Variants in FBXL18 observed in about 807,000 individuals in gnomAD.
The protein encoded by FBXL18 is F-box and leucine rich repeat protein 18, also known as F-box/LRR-repeat protein 18.
A neutral mutation model predicts 46.0 loss-of-function variants in FBXL18; 36 were observed. The observed-to-expected ratio is 0.78, with a 90% CI of 0.60 to 1.03. FBXL18 has a LOEUF of 1.03. FBXL18 is among the 50% of genes least tolerant of loss of function. The probability of loss-of-function intolerance (pLI) is 0.00; values close to 1 mark genes in which losing one functional copy is unlikely to be tolerated. For missense variants in FBXL18, 977 were observed against 1,004.1 expected, an observed-to-expected ratio of 0.97 and a Z score of 0.36; for synonymous variants, 557 against 465.3, an observed-to-expected ratio of 1.20 and a Z score of -2.54.
chr7:5,470,635 C>A (rs1266139570), intron 4 of FBXL18, among the ~76,000 whole-genome samples: 3 of 152,004 alleles, frequency 2.0e-5, no homozygotes, highest in Non-Finnish European at 4.4e-5. Context: ...GAAGGGGAGA[C>A]CCCCAGGCCC....
Position 5,500,478 on chromosome 7 carries a change from G to A in FBXL18, c.1781+10C>T. On this transcript the variant is annotated intron_variant, in intron 3 of 4. Transcript: ENST00000382368. The stretch of plus-strand genomic sequence containing the variant: ...AGCAGAGGCCCGAGAGGTCCCCGCG[G>A]CCCCCTCACCTGAGGTCCCTCAGCC... 6.3e-7 allele frequency: 1 copy of A among 1,583,926 alleles called. No individual in the cohort carries two copies. The highest frequency in any genetic ancestry group is 8.6e-7 in the Non-Finnish European group (1 of 1,162,974).
intron 3 of FBXL18, among the ~76,000 whole-genome samples, chr7:5,499,855 TCAAGAC>T (rs1784185359): frequency 1.3e-5 from 2 of 151,670 alleles, no homozygotes. Context: ...GCCCAGGAGT[TCAAGAC>T]CAGTCTGGGC....
intron 1 of FBXL18, among the ~76,000 whole-genome samples, chr7:5,510,335 A>T (rs13231223): frequency 0.099 from 14,801 of 149,800 alleles, 1,170 homozygotes; most frequent in African/African-American, 0.23. Context: ...AAGAAAAAAA[A>T]ACCCAAGTTG....
chr7:5,513,758 G>A lies in FBXL18; in HGVS notation c.-84C>T, dbSNP rs568978923. The A allele has an allele frequency of 1.8e-5, 27 of 1,532,760 alleles. No individual in the cohort carries two copies. Among genetic ancestry groups the A allele is most frequent in the Middle Eastern group, 2.1e-4 (1 of 4,832 alleles). The allele number at this position is 1,532,760 out of a possible 1,614,324, so 94.9% of individuals were successfully genotyped here. On this transcript the variant is annotated 5_prime_UTR_variant, in exon 1 of 5. Coordinates refer to ENST00000382368, the MANE Select transcript of FBXL18 (RefSeq NM_024963.6). ...CCGGCTAGGGATGCTCGAAGCCGGCGCGTCCACCGCTCAACCGAGACCCCG... is the reference window on the plus strand; with the variant it reads ...CCGGCTAGGGATGCTCGAAGCCGGCACGTCCACCGCTCAACCGAGACCCCG...
At chr7:5,464,696 T>A (rs1584183835) in intron 4 of FBXL18, among the ~76,000 whole-genome samples, 4 of 104,792 alleles carry the variant, frequency 3.8e-5, no homozygotes, top group Non-Finnish European at 5.9e-5. Flanking sequence ...CTAAGATGGT[T>A]AATTAAAAAA....
At chr7:5,506,572 T>C (rs897989388) in intron 1 of FBXL18, among the ~76,000 whole-genome samples, 3 of 151,644 alleles carry the variant, frequency 2.0e-5, no homozygotes, top group Non-Finnish European at 2.9e-5. Flanking sequence ...TTTTTTTCTT[T>C]TGGAGAAAGA....
intron 3 of FBXL18, among the ~76,000 whole-genome samples, chr7:5,492,778 A>C (rs1313225136): frequency 6.6e-6 from 1 of 152,158 alleles, no homozygotes; most frequent in Non-Finnish European, 1.5e-5. Flanking sequence ...CCACGTGTCC[A>C]CCAGCCAAGC....
intron 3 of FBXL18, among the ~76,000 whole-genome samples, chr7:5,493,590 T>C (rs1435755134): frequency 6.6e-6 from 1 of 151,914 alleles, no homozygotes. Context: ...CCACTGCACC[T>C]GGCCAAAATT....
At chr7:5,513,307 G>C (rs1014454190) in intron 1 of FBXL18, among the ~76,000 whole-genome samples, 1 of 152,108 alleles carries the variant, frequency 6.6e-6, no homozygotes, top group Non-Finnish European at 1.5e-5. Flanking sequence ...GGCACGGAGG[G>C]GGAATGTCCC....
In FBXL18 at chr7:5,480,066, C is replaced by T. The variant is rs916401367; in HGVS notation, c.*1709G>A. On this transcript the variant is annotated 3_prime_UTR_variant, in exon 5 of 5. Coordinates refer to ENST00000382368, the MANE Select transcript of FBXL18 (RefSeq NM_024963.6). ...GGCCTCCTGGACAAGGAGCTTGGCCCCCAGAGCAAGGAGCTGCTGAAAACC... is the reference window on the plus strand; with the variant it reads ...GGCCTCCTGGACAAGGAGCTTGGCCTCCAGAGCAAGGAGCTGCTGAAAACC... Among the ~76,000 whole-genome samples the T allele has an allele frequency of 2.6e-5, 4 of 152,154 alleles. No homozygotes were observed. The highest frequency in any genetic ancestry group is 7.2e-5 in the African/African-American group (3 of 41,428).
At chr7:5,498,043 C>T (rs955401668) in intron 3 of FBXL18, among the ~76,000 whole-genome samples, 1 of 151,690 alleles carries the variant, frequency 6.6e-6, no homozygotes, top group Non-Finnish European at 1.5e-5. Flanking sequence ...AAGGCCTTCA[C>T]TACCTTTTGG....
intron 4 of FBXL18, among the ~76,000 whole-genome samples, chr7:5,463,743 T>TTTA (rs1783299109): frequency 4.2e-5 from 2 of 47,070 alleles, no homozygotes; most frequent in African/African-American, 6.3e-5. Flanking sequence ...TTTTTTTTTT[T>TTTA]TTTTTTTTTT....
chr7:5,503,573 G>A (rs571925004), intron 2 of FBXL18, among the ~76,000 whole-genome samples: 4 of 151,694 alleles, frequency 2.6e-5, no homozygotes, highest in South Asian at 2.1e-4. Context: ...TTGTCCAGGC[G>A]GGTCTTGAAA....
chr7:5,501,021 G>A lies in FBXL18; in HGVS notation c.1248C>T (p.Arg416=). ...CQLLARLRHL[R]SLSLPVCSVA... ...CAGAGCAGACAGGCAGGGAGAGGGA[G>A]CGCAGGTGACGCAGCCGGGCCAGGA... The change falls in exon 3 of 5, where the codon CGC becomes CGT. Residue 416 remains arginine, a synonymous_variant. Transcript: ENST00000382368. 1.2e-6 allele frequency: 2 copies of A among 1,601,014 alleles called. No individual in the cohort carries two copies. Among genetic ancestry groups the A allele is most frequent in the Non-Finnish European group, 1.7e-6 (2 of 1,176,112 alleles).
intron 4 of FBXL18, among the ~76,000 whole-genome samples, chr7:5,459,109 T>C (rs1783210265): frequency 6.6e-6 from 1 of 152,116 alleles, no homozygotes; most frequent in South Asian, 2.1e-4. Context: ...GACATGATCA[T>C]GCCATTGCAC....
chr7:5,482,924 G>C (rs1783684901), intron 4 of FBXL18, among the ~76,000 whole-genome samples: 1 of 151,824 alleles, frequency 6.6e-6, no homozygotes, highest in Non-Finnish European at 1.5e-5. Context: ...TGTCACCTCA[G>C]CTACTTGGGA....
At chr7:5,503,505 C>A (rs1226218052) in intron 2 of FBXL18, among the ~76,000 whole-genome samples, 1 of 146,890 alleles carries the variant, frequency 6.8e-6, no homozygotes, top group South Asian at 2.2e-4. Flanking sequence ...AGACATGTGC[C>A]ACCATGCCAT....
intron 4 of FBXL18, 98 bp from the exon 5 acceptor site, chr7:5,482,029 G>A (rs951233748): frequency 4.3e-5 from 61 of 1,422,238 alleles, no homozygotes; most frequent in South Asian, 2.6e-4. Flanking sequence ...CTGCCTCCCC[G>A]TCCCGGGCTC....
rs1284471744 is a variant in FBXL18 at position 5,493,688 on chromosome 7, T to TGC, written c.1782-2240_1782-2239insGC. On this transcript the variant is annotated intron_variant, in intron 3 of 4. Coordinates refer to ENST00000382368, the MANE Select transcript of FBXL18 (RefSeq NM_024963.6). ...GTGTGCGTGCGTGCGTGCGTGCGTG[T>TGC]GTGTGTGTGGAGACAGGGGTCTCAC... Among the ~76,000 whole-genome samples, 753 of 141,606 alleles carry TGC rather than the reference T, an allele frequency of 5.3e-3. 8 individuals are homozygous for TGC. The highest frequency in any genetic ancestry group is 6.7e-3 in the Non-Finnish European group (428 of 63,700). 92.9% of individuals were successfully genotyped at this position (141,606 alleles called of 152,430 possible).
Sources: allele counts gnomAD v4.1 joint callset (sites outside exome capture counted in the v4.1 genomes callset), GRCh38; gene constraint gnomAD v4.1.1; transcripts MANE v1.5; gene names NCBI Gene and HGNC (gene_info 2026-07-23, HGNC 2026-07-21).